The following C12orf42 variants were observed in gnomAD, a reference collection of about 807,000 sequenced individuals.
C12orf42 encodes uncharacterized protein C12orf42.
A neutral mutation model predicts 21.6 loss-of-function variants in C12orf42; 25 were observed. The observed-to-expected ratio is 1.16, with a 90% CI of 0.84 to 1.62. The LOEUF (loss-of-function observed/expected upper bound fraction) is 1.62, where lower values mean the gene tolerates loss of function less well. C12orf42 is among the 40% of genes most tolerant of loss of function. C12orf42 has a pLI of 0.00. For missense variants in C12orf42, 483 were observed against 459.3 expected, an observed-to-expected ratio of 1.05 and a Z score of -0.47; for synonymous variants, 174 against 175.0, an observed-to-expected ratio of 0.99 and a Z score of 0.05.
chr12:103,469,666 T>C (rs1462566537), intron 2 of C12orf42, among the ~76,000 whole-genome samples: 1 of 152,086 alleles, frequency 6.6e-6, no homozygotes, highest in Admixed American at 6.6e-5. Flanking sequence ...TCTAATTAGG[T>C]TTTTAAGATA....
chr12:103,222,972 C>A, the C12orf42 span, among the ~76,000 whole-genome samples: 1 of 151,736 alleles, frequency 6.6e-6, no homozygotes, highest in Admixed American at 6.6e-5. Flanking sequence ...CTGGCTTCTT[C>A]CATTCAGTCT....
chr12:103,348,573 G>A (rs927980663), intron 4 of C12orf42, among the ~76,000 whole-genome samples: 2 of 152,122 alleles, frequency 1.3e-5, no homozygotes, highest in Non-Finnish European at 2.9e-5. Flanking sequence ...TTACCTATAA[G>A]CATAATAGGT....
At chr12:103,220,467 A>G in the C12orf42 span, among the ~76,000 whole-genome samples, 3 of 152,124 alleles carry the variant, frequency 2.0e-5, no homozygotes, top group African/African-American at 7.2e-5. Context: ...TTTTCATGAA[A>G]CTGACTTTCA....
chr12:103,408,992 T>A (rs185935967), intron 2 of C12orf42, among the ~76,000 whole-genome samples: 1 of 152,298 alleles, frequency 6.6e-6, no homozygotes. Context: ...ACCTTAGTAA[T>A]AACCAACAGG....
downstream of C12orf42, among the ~76,000 whole-genome samples, chr12:103,265,732 A>G (rs1255765601): frequency 6.6e-6 from 1 of 152,142 alleles, no homozygotes; most frequent in Non-Finnish European, 1.5e-5. Flanking sequence ...AGAAGGCAGG[A>G]GTCAGCATCT....
At chr12:103,559,160 A>G in the C12orf42 span, 1 of 152,232 alleles carries the variant, frequency 6.6e-6, no homozygotes, top group Non-Finnish European at 1.5e-5. Flanking sequence ...TTTATGGTGA[A>G]TGCCTGCTCT....
the C12orf42 span, among the ~76,000 whole-genome samples, chr12:103,555,297 T>C: frequency 6.6e-6 from 1 of 152,148 alleles, no homozygotes; most frequent in African/African-American, 2.4e-5. Context: ...ACATCTTACA[T>C]GGATGGCAGC....
downstream of C12orf42, among the ~76,000 whole-genome samples, chr12:103,263,582 C>T (rs563905189): frequency 3.3e-5 from 5 of 152,182 alleles, no homozygotes; most frequent in Admixed American, 2.6e-4. Flanking sequence ...TGGGATAGAG[C>T]CCTACATGCT....
At chr12:103,468,891 T>C (rs529245809) in intron 2 of C12orf42, among the ~76,000 whole-genome samples, 6 of 152,312 alleles carry the variant, frequency 3.9e-5, no homozygotes, top group South Asian at 2.1e-4. Flanking sequence ...AGCATTTTCA[T>C]GGTAATTTGT....
At chr12:103,555,296 A>G in the C12orf42 span, among the ~76,000 whole-genome samples, 1 of 152,184 alleles carries the variant, frequency 6.6e-6, no homozygotes, top group African/African-American at 2.4e-5. Flanking sequence ...CACATCTTAC[A>G]TGGATGGCAG....
At chr12:103,530,271 C>T in the C12orf42 span, among the ~76,000 whole-genome samples, 1 of 152,216 alleles carries the variant, frequency 6.6e-6, no homozygotes, top group East Asian at 1.9e-4. Context: ...CTGTCAGCTG[C>T]ACATGGAGCC....
chr12:103,120,541 A>G, the C12orf42 span, among the ~76,000 whole-genome samples: 1 of 152,114 alleles, frequency 6.6e-6, no homozygotes, highest in Admixed American at 6.5e-5. Flanking sequence ...CCGGTGCCTT[A>G]ATATGTCAAT....
At chr12:103,337,202 GTC>G (rs1369213579) in intron 4 of C12orf42, among the ~76,000 whole-genome samples, 5 of 152,174 alleles carry the variant, frequency 3.3e-5, no homozygotes, top group Admixed American at 6.5e-5. Context: ...TGCAAACATA[GTC>G]TGTCTCATGT....
intron 4 of C12orf42, among the ~76,000 whole-genome samples, chr12:103,278,473 A>AC (rs1467186302): frequency 5.3e-5 from 8 of 152,146 alleles, no homozygotes; most frequent in African/African-American, 1.9e-4. Flanking sequence ...TGGAAAGGAG[A>AC]TGCTGGGAGC....
At chr12:103,507,165 ATATATATTTATATT>A in the C12orf42 span, among the ~76,000 whole-genome samples, 91 of 23,372 alleles carry the variant, frequency 3.9e-3, 17 homozygotes, top group African/African-American at 0.044. Context: ...TATATATATA[ATATATATTTATATT>A]ATATATAATA....
the C12orf42 span, among the ~76,000 whole-genome samples, chr12:103,175,447 G>C: frequency 6.6e-6 from 1 of 152,182 alleles, no homozygotes. Flanking sequence ...TCCTAGCCAA[G>C]AGTTGGCGAG....
At chr12:103,223,059 T>C in the C12orf42 span, among the ~76,000 whole-genome samples, 70,167 of 151,756 alleles carry the variant, frequency 0.46, 16,597 homozygotes, top group East Asian at 0.59. Context: ...CTATTATACA[T>C]AGTGTATAAA....
chr12:103,158,804 C>T, the C12orf42 span, among the ~76,000 whole-genome samples: 1,737 of 150,402 alleles, frequency 0.012, 22 homozygotes, highest in African/African-American at 0.041. Flanking sequence ...CACTTAAACC[C>T]GGGAGGCGGA....
the C12orf42 span, among the ~76,000 whole-genome samples, chr12:103,105,478 A>G: frequency 7.9e-5 from 12 of 152,296 alleles, no homozygotes; most frequent in African/African-American, 2.9e-4. Context: ...ATATGGAAAC[A>G]ATAGACACTA....
Sources: gnomAD v4.1 joint callset for allele counts (sites outside exome capture counted in the v4.1 genomes callset) on GRCh38, gnomAD v4.1.1 for gene constraint, MANE v1.5 for transcripts, NCBI Gene and HGNC (gene_info 2026-07-23, HGNC 2026-07-21) for gene names.